Variants in SMG6 observed in about 807,000 individuals in gnomAD.
SMG6 encodes the protein telomerase-binding protein EST1A.
SMG6 carries 66 observed loss-of-function variants against 142.2 expected under a neutral mutation model. The observed-to-expected ratio is 0.46, with a 90% CI of 0.38 to 0.57. The LOEUF (loss-of-function observed/expected upper bound fraction) is 0.57. SMG6 is among the 20% of genes least tolerant of loss of function. The pLI is 0.00. For missense variants in SMG6, 1,793 were observed against 1,832.0 expected (o/e 0.98, Z 0.39); for synonymous variants, 779 against 702.4 (o/e 1.11, Z -1.72).
chr17:2,294,289 G>A (rs987769752), intron 4 of SMG6, among the ~76,000 whole-genome samples: 5 of 152,166 alleles, frequency 3.3e-5, no homozygotes, highest in African/African-American at 1.2e-4. Flanking sequence ...AGAATCCTCT[G>A]TATTTAACTG....
At chr17:2,167,128 T>A (rs1234037921) in intron 13 of SMG6, among the ~76,000 whole-genome samples, 1 of 30,678 alleles carries the variant, frequency 3.3e-5, no homozygotes, top group Non-Finnish European at 5.2e-5. Context: ...TAGGACTCCA[T>A]CTCAAAAAAA....
chr17:2,290,132 A>G (rs527491677), intron 6 of SMG6, among the ~76,000 whole-genome samples: 4 of 152,240 alleles, frequency 2.6e-5, no homozygotes, highest in African/African-American at 4.8e-5. Flanking sequence ...AAGTGATTCT[A>G]AAGTTTACAT....
At chr17:2,288,760 G>A (rs749433438) in intron 6 of SMG6, among the ~76,000 whole-genome samples, 4 of 151,600 alleles carry the variant, frequency 2.6e-5, no homozygotes, top group East Asian at 2.0e-4. Flanking sequence ...GCGAAATCCC[G>A]TCTCTACAAA....
intron 1 of SMG6, 84 bp downstream of exon 1, chr17:2,303,549 G>A (rs2075338113): frequency 7.4e-6 from 10 of 1,344,868 alleles, no homozygotes; most frequent in Non-Finnish European, 7.6e-6. Context: ...CCGGAGCCGA[G>A]GGCCGAGCGG....
At chr17:2,112,377 G>A (rs967598922) in intron 13 of SMG6, among the ~76,000 whole-genome samples, 3 of 151,304 alleles carry the variant, frequency 2.0e-5, no homozygotes, top group Admixed American at 6.6e-5. Context: ...GCGTCGTGGC[G>A]GGCGTCTGGA....
Position 2,172,906 on chromosome 17 carries a change from T to A in SMG6, c.3156-47A>T, listed in dbSNP as rs772316996. On this transcript the variant is annotated intron_variant, in intron 12 of 18. Transcript: ENST00000263073. ...AAGAGCAGCTCTAAAGAGGGACCAG[T>A]AAAAAAAAGTATTCTCAGTATTTGT... is the stretch of plus-strand genomic sequence containing the variant. 10 of 1,536,062 alleles carry A rather than the reference T, an allele frequency of 6.5e-6. No individual in the cohort carries two copies. In the Admixed American group the frequency reaches 8.8e-5, roughly 13 times the overall value.
intron 13 of SMG6, among the ~76,000 whole-genome samples, chr17:2,163,492 T>C (rs1414556312): frequency 6.6e-6 from 1 of 152,186 alleles, no homozygotes; most frequent in Admixed American, 6.6e-5. Context: ...AAATCTTCAT[T>C]TTGTTTGATT....
intron 8 of SMG6, among the ~76,000 whole-genome samples, chr17:2,251,634 C>T (rs1350963593): frequency 6.6e-6 from 1 of 152,176 alleles, no homozygotes; most frequent in East Asian, 1.9e-4. Flanking sequence ...TTAGTGCTGC[C>T]TCTTATACTA....
chr17:2,173,607 C>T (rs1014065455), intron 12 of SMG6, among the ~76,000 whole-genome samples: 6 of 152,150 alleles, frequency 3.9e-5, no homozygotes, highest in African/African-American at 4.8e-5. Flanking sequence ...GAAAGTCCCA[C>T]GTCCCCAGAA....
intron 13 of SMG6, among the ~76,000 whole-genome samples, chr17:2,158,946 T>G (rs1459826888): frequency 6.8e-6 from 1 of 146,202 alleles, no homozygotes; most frequent in Admixed American, 6.9e-5. Context: ...ACGAGAAATA[T>G]TCACAGGATG....
At chr17:2,130,002 G>A (rs12603243) in intron 13 of SMG6, among the ~76,000 whole-genome samples, 3,529 of 151,758 alleles carry the variant, frequency 0.023, 154 homozygotes, top group East Asian at 0.18. Context: ...GCTCACATCT[G>A]TAATCCCAGC....
At chr17:2,269,556 A>G (rs957413760) in intron 8 of SMG6, among the ~76,000 whole-genome samples, 45 of 152,270 alleles carry the variant, frequency 3.0e-4, no homozygotes, top group Middle Eastern at 6.8e-3. Context: ...TCCACAGGGA[A>G]GCCATGCTCC....
chr17:2,253,789 G>A (rs1415016115), intron 8 of SMG6, among the ~76,000 whole-genome samples: 2 of 152,142 alleles, frequency 1.3e-5, no homozygotes, highest in African/African-American at 2.4e-5. Context: ...GATAGCACAA[G>A]TGACACCAAA....
chr17:2,066,341 CGTGTATGT>C (rs1365520984), intron 16 of SMG6, among the ~76,000 whole-genome samples: 2 of 149,022 alleles, frequency 1.3e-5, no homozygotes, highest in Non-Finnish European at 3.0e-5. Flanking sequence ...TATGTGTATG[CGTGTATGT>C]GTGTACATGT....
chr17:2,282,763 C>A lies in SMG6; in HGVS notation c.2545G>T (p.Asp849Tyr). The change falls in exon 8 of 19, where the codon GAC (aspartate) becomes TAC (tyrosine). Residue 849 changes from aspartate to tyrosine, a missense_variant. By Grantham distance (160) the Asp-to-Tyr change is radical. Around this residue, in one of 3 missense-constraint regions of SMG6, gnomAD observed 1,597 missense variants for 1,584.6 expected, o/e 1.01. Coordinates refer to ENST00000263073, the MANE Select transcript of SMG6 (RefSeq NM_017575.5). ...ATCCAGATCTCCAGGCGAGTGGTGT[C>A]ATCTCCAACATGCCGGAAAGTAGAC... is the stretch of plus-strand genomic sequence containing the variant. Reference protein sequence around the residue: ...KKSTFRHVGDDTTRLEIWIHP... With the variant: ...KKSTFRHVGDYTTRLEIWIHP... The A allele has an allele frequency of 6.8e-6, 11 of 1,614,202 alleles. No individual in the cohort carries two copies. The highest frequency in any genetic ancestry group is 9.3e-6 in the Non-Finnish European group (11 of 1,180,036).
At chr17:2,086,017 G>T in intron 13 of SMG6, 116 bp from the exon 14 acceptor site, 2 of 1,077,380 alleles carry the variant, frequency 1.9e-6, no homozygotes, top group Non-Finnish European at 1.4e-6. Flanking sequence ...ACCAGGCAAG[G>T]GGGTCAGAAT....
intron 10 of SMG6, among the ~76,000 whole-genome samples, chr17:2,218,798 G>A (rs2073091590): frequency 6.6e-6 from 1 of 152,126 alleles, no homozygotes; most frequent in Admixed American, 6.5e-5. Context: ...GCACAACACC[G>A]AGAGTGAACC....
At chr17:2,174,141 G>A (rs1001897495) in intron 12 of SMG6, among the ~76,000 whole-genome samples, 5 of 152,188 alleles carry the variant, frequency 3.3e-5, no homozygotes, top group African/African-American at 1.2e-4. Flanking sequence ...GCTCACGCCT[G>A]TAATCCCAGT....
At chr17:2,111,493 C>T (rs1825111799) in intron 13 of SMG6, among the ~76,000 whole-genome samples, 1 of 152,078 alleles carries the variant, frequency 6.6e-6, no homozygotes, top group African/African-American at 2.4e-5. Flanking sequence ...CTCACTGCAG[C>T]CTCGACCTCC....
Sources: allele counts gnomAD v4.1 joint callset (sites outside exome capture counted in the v4.1 genomes callset), GRCh38; gene constraint gnomAD v4.1.1; regional missense constraint gnomAD v4.1.1; transcripts MANE v1.5; gene names NCBI Gene and HGNC (gene_info 2026-07-23, HGNC 2026-07-21).